The following LSAMP variants were observed in gnomAD, a reference collection of about 807,000 sequenced individuals.
LSAMP encodes limbic system associated membrane protein.
Under a neutral mutation model 38.6 loss-of-function variants are expected in LSAMP, and 7 were observed. That is an observed-to-expected ratio of 0.18 (90% CI 0.10 to 0.34). The LOEUF is 0.34. Ranked by LOEUF, LSAMP falls within the 10% of genes least tolerant of loss-of-function variation. The pLI, the probability that LSAMP is intolerant of heterozygous loss-of-function variation, is 1.00. For missense variants in LSAMP, 313 were observed against 420.0 expected, an observed-to-expected ratio of 0.75 and a Z score of 2.23; for synonymous variants, 154 against 166.8, an observed-to-expected ratio of 0.92 and a Z score of 0.59.
chr3:115,894,979 C>T (rs890728366), intron 3 of LSAMP, among the ~76,000 whole-genome samples: 6 of 46,624 alleles, frequency 1.3e-4, no homozygotes, highest in African/African-American at 6.5e-4. Context: ...GAACCAAATG[C>T]GGATGAATAG....
At chr3:116,077,540 A>G (rs968305622) in intron 2 of LSAMP, among the ~76,000 whole-genome samples, 7 of 152,106 alleles carry the variant, frequency 4.6e-5, no homozygotes, top group Non-Finnish European at 8.8e-5. Flanking sequence ...ATTTAATATA[A>G]TTTTTTACTT....
At chr3:116,085,258 G>T (rs76151400) in intron 2 of LSAMP, among the ~76,000 whole-genome samples, 1 of 152,120 alleles carries the variant, frequency 6.6e-6, no homozygotes, top group Non-Finnish European at 1.5e-5. Context: ...GAGGCCACAC[G>T]ACTAAAGCAC....
At chr3:116,211,931 T>C (rs1339742818) in intron 1 of LSAMP, among the ~76,000 whole-genome samples, 1 of 152,206 alleles carries the variant, frequency 6.6e-6, no homozygotes, top group Non-Finnish European at 1.5e-5. Context: ...CATGGGTTAG[T>C]TCCAAGCTTC....
chr3:116,066,218 T>G (rs1707424326), intron 2 of LSAMP, among the ~76,000 whole-genome samples: 1 of 152,160 alleles, frequency 6.6e-6, no homozygotes, highest in South Asian at 2.1e-4. Context: ...GGGGCCTATT[T>G]TACAGAGGCA....
At chr3:116,253,255 T>C (rs1007329453) in intron 1 of LSAMP, among the ~76,000 whole-genome samples, 2 of 152,114 alleles carry the variant, frequency 1.3e-5, no homozygotes, top group Admixed American at 1.3e-4. Context: ...CATTTGCACA[T>C]ACTGACCAAC....
chr3:116,290,562 T>A (rs895028756), intron 1 of LSAMP, among the ~76,000 whole-genome samples: 3 of 151,694 alleles, frequency 2.0e-5, no homozygotes, highest in Non-Finnish European at 4.4e-5. Context: ...AAACCCTATC[T>A]CTACTAAAAA....
intron 3 of LSAMP, among the ~76,000 whole-genome samples, chr3:115,867,348 A>G (rs1043358661): frequency 2.0e-5 from 3 of 152,156 alleles, no homozygotes; most frequent in South Asian, 2.1e-4. Context: ...TATTGTATCA[A>G]TAGCTCAACA....
chr3:116,233,632 C>T (rs568219951), intron 1 of LSAMP, among the ~76,000 whole-genome samples: 7 of 152,038 alleles, frequency 4.6e-5, no homozygotes, highest in African/African-American at 1.4e-4. Context: ...TCCCTACTTC[C>T]CTTTCCAGCC....
chr3:116,346,201 C>T (rs757943936), intron 1 of LSAMP, among the ~76,000 whole-genome samples: 6 of 151,944 alleles, frequency 3.9e-5, no homozygotes, highest in Admixed American at 6.6e-5. Context: ...AGATGGATTC[C>T]GCTTTGCATT....
chr3:116,145,602 A>G (rs1335512597), intron 1 of LSAMP, among the ~76,000 whole-genome samples: 1 of 151,986 alleles, frequency 6.6e-6, no homozygotes, highest in Non-Finnish European at 1.5e-5. Flanking sequence ...ATCCCCCCCA[A>G]AAAATACCTT....
intron 6 of LSAMP, chr3:115,816,508 G>T: frequency 1.6e-6 from 1 of 633,078 alleles, no homozygotes; most frequent in Non-Finnish European, 2.4e-6. Context: ...TATGGAAATT[G>T]TTATCACAAA....
chr3:116,163,986 C>A (rs1181677534), intron 1 of LSAMP, among the ~76,000 whole-genome samples: 1 of 150,714 alleles, frequency 6.6e-6, no homozygotes, highest in Non-Finnish European at 1.5e-5. Context: ...GTTATCCAGA[C>A]AGATTCATAG....
chr3:116,022,819 C>A lies in LSAMP; in HGVS notation c.389-3179G>T, dbSNP rs149779014. Among the ~76,000 whole-genome samples the A allele has an allele frequency of 1.4e-4, 21 of 152,276 alleles. No individual in the cohort carries two copies. In the East Asian group the frequency reaches 3.5e-3, roughly 25 times the overall value. ...TTTTCATGATTGTTATACCTACATT[C>A]CAATGGACTATTCTGTATCCCTATT... On this transcript the variant is annotated intron_variant, in intron 2 of 6. Transcript: ENST00000490035.
At chr3:115,863,178 A>G (rs10934311) in intron 3 of LSAMP, among the ~76,000 whole-genome samples, 28,809 of 152,110 alleles carry the variant, frequency 0.19, 3,512 homozygotes, top group African/African-American at 0.33. Flanking sequence ...CTGCATGAGG[A>G]TGTTTCCTGC....
chr3:116,151,368 G>T (rs1221044477), intron 1 of LSAMP, among the ~76,000 whole-genome samples: 1 of 151,992 alleles, frequency 6.6e-6, no homozygotes, highest in Non-Finnish European at 1.5e-5. Context: ...TTTTAAGAAT[G>T]TGTAGAGGTT....
At chr3:116,223,135 T>C (rs1212332047) in intron 1 of LSAMP, among the ~76,000 whole-genome samples, 1 of 152,180 alleles carries the variant, frequency 6.6e-6, no homozygotes, top group African/African-American at 2.4e-5. Context: ...CCCAGATGCA[T>C]TTTTAAGCGT....
At chr3:116,113,964 A>G (rs1708687367) in intron 1 of LSAMP, among the ~76,000 whole-genome samples, 1 of 152,132 alleles carries the variant, frequency 6.6e-6, no homozygotes, top group Admixed American at 6.5e-5. Flanking sequence ...GATTTACTGA[A>G]TTTAACTTCT....
intron 3 of LSAMP, among the ~76,000 whole-genome samples, chr3:115,855,524 C>T (rs572301522): frequency 1.3e-5 from 2 of 152,186 alleles, no homozygotes; most frequent in South Asian, 4.1e-4. Context: ...GATAGCTCTC[C>T]TCCTCTCTGA....
At chr3:116,311,545 T>C (rs764789784) in intron 1 of LSAMP, among the ~76,000 whole-genome samples, 2 of 152,210 alleles carry the variant, frequency 1.3e-5, no homozygotes, top group African/African-American at 2.4e-5. Context: ...ATTTTATTCC[T>C]TTATGTATCT....
Sources: gnomAD v4.1 joint callset for allele counts (sites outside exome capture counted in the v4.1 genomes callset) on GRCh38, gnomAD v4.1.1 for gene constraint, MANE v1.5 for transcripts, NCBI Gene and HGNC (gene_info 2026-07-23, HGNC 2026-07-21) for gene names.